DCDC1: variants seen among roughly 807,000 people sequenced by gnomAD.
DCDC1 encodes doublecortin domain containing 1, also known as doublecortin domain-containing protein 1.
In DCDC1, 200 loss-of-function variants were observed where a neutral mutation model predicts 178.3. The ratio of observed to expected loss-of-function variants is 1.12; its 90% confidence interval spans 1.00 to 1.26. The LOEUF (loss-of-function observed/expected upper bound fraction) is 1.26. Among genes scored for constraint, DCDC1 ranks in the 50% most tolerant of loss-of-function variants. The pLI, the probability that DCDC1 is intolerant of heterozygous loss-of-function variation, is 0.00. For synonymous variants in DCDC1, 690 were observed against 604.8 expected (o/e 1.14, Z -2.07); for missense variants, 1,983 against 1,749.2 (o/e 1.13, Z -2.38).
chr11:31,338,898 T>A (rs1375690140), intron 1 of DCDC1, among the ~76,000 whole-genome samples: 1 of 152,164 alleles, frequency 6.6e-6, no homozygotes, highest in Non-Finnish European at 1.5e-5. Flanking sequence ...TTCTTACCCG[T>A]CCTCAATGTA....
At chr11:31,171,575 G>A (rs768118381) in intron 9 of DCDC1, among the ~76,000 whole-genome samples, 1 of 152,144 alleles carries the variant, frequency 6.6e-6, no homozygotes, top group Admixed American at 6.5e-5. Flanking sequence ...AGTGGCAGAA[G>A]GAAAGAAAGC....
At chr11:31,208,685 A>G (rs1326448059) in intron 9 of DCDC1, among the ~76,000 whole-genome samples, 1 of 152,146 alleles carries the variant, frequency 6.6e-6, no homozygotes, top group East Asian at 1.9e-4. Context: ...ACCAGTCATC[A>G]TACTCCAGTC....
At chr11:31,029,170 C>T (rs988411884) in intron 20 of DCDC1, among the ~76,000 whole-genome samples, 2 of 152,136 alleles carry the variant, frequency 1.3e-5, no homozygotes, top group Non-Finnish European at 2.9e-5. Flanking sequence ...AAGATCAACA[C>T]AAATGATAAC....
rs546512267 is a variant in DCDC1 at position 31,291,097 on chromosome 11, G to A, written c.755-245C>T. 1.2e-4 allele frequency among the ~76,000 whole-genome samples: 19 copies of A among 152,108 alleles called. No homozygotes were observed. In the South Asian group the frequency reaches 3.9e-3, roughly 32 times the overall value. ...GAACAGATGTTCAGGGTATGAAAGAGTAATACCACAATTTAGTCCTAATTA... is the reference window on the plus strand; with the variant it reads ...GAACAGATGTTCAGGGTATGAAAGAATAATACCACAATTTAGTCCTAATTA... On this transcript the variant is annotated intron_variant, in intron 6 of 38. Coordinates refer to ENST00000684477, the MANE Select transcript of DCDC1 (RefSeq NM_001387274.1).
At chr11:31,239,867 A>C (rs1976907977) in intron 9 of DCDC1, among the ~76,000 whole-genome samples, 1 of 151,866 alleles carries the variant, frequency 6.6e-6, no homozygotes. Flanking sequence ...TTTTTCTTAC[A>C]ATGCACAGAG....
intron 9 of DCDC1, among the ~76,000 whole-genome samples, chr11:31,193,369 A>G (rs1222413667): frequency 1.3e-5 from 2 of 152,002 alleles, no homozygotes; most frequent in South Asian, 4.1e-4. Context: ...AATGCTCCTA[A>G]GTTTGAAATG....
intron 9 of DCDC1, among the ~76,000 whole-genome samples, chr11:31,153,841 T>A (rs1004196699): frequency 1.9e-4 from 25 of 132,724 alleles, no homozygotes; most frequent in Non-Finnish European, 3.2e-4. Context: ...CTATGCTGTA[T>A]CATTCACACA....
In DCDC1 at chr11:30,923,618, A is replaced by AT. The variant is rs1590379003; in HGVS notation, c.2998-981dup. 3.4e-5 allele frequency among the ~76,000 whole-genome samples: 5 copies of AT among 148,890 alleles called. No homozygotes were observed. The East Asian group carries it at 5.9e-4, about 18-fold the overall frequency. ...GGGGAAACTTTAAATAATAATAATA[A>AT]TAATTATTATTATTATTTGAGATGG... On this transcript the variant is annotated intron_variant, in intron 23 of 38. Coordinates refer to ENST00000684477, the MANE Select transcript of DCDC1 (RefSeq NM_001387274.1).
chr11:31,302,966 T>C (rs1948213107), intron 6 of DCDC1, among the ~76,000 whole-genome samples: 1 of 152,180 alleles, frequency 6.6e-6, no homozygotes, highest in Non-Finnish European at 1.5e-5. Context: ...ATAAGATCCA[T>C]TTGATTTATG....
At chr11:30,906,367 T>C in intron 30 of DCDC1, 173 bp downstream of exon 30, 1 of 668,188 alleles carries the variant, frequency 1.5e-6, no homozygotes, top group Non-Finnish European at 2.4e-6. Flanking sequence ...GACAATGCAT[T>C]TTAAATTACA....
Position 31,296,021 on chromosome 11 carries a change from T to G in DCDC1, c.755-5169A>C, listed in dbSNP as rs187164582. Among the ~76,000 whole-genome samples, 24 of 152,220 alleles carry G rather than the reference T, an allele frequency of 1.6e-4. No individual in the cohort carries two copies. In the East Asian group the frequency reaches 4.5e-3, roughly 28 times the overall value. The stretch of plus-strand genomic sequence containing the variant: ...AACTGAGTTTTCCTAAGACATCAAT[T>G]TTATCATTACCTAAAGAGAAAACTC... On this transcript the variant is annotated intron_variant, in intron 6 of 38. Transcript: ENST00000684477.
intron 7 of DCDC1, among the ~76,000 whole-genome samples, chr11:31,271,870 A>G (rs978000482): frequency 3.3e-5 from 5 of 151,978 alleles, no homozygotes; most frequent in African/African-American, 7.2e-5. Context: ...TTATAAAACG[A>G]TCAGACCTCA....
At chr11:31,018,355 T>C (rs290087) in intron 20 of DCDC1, among the ~76,000 whole-genome samples, 5,263 of 152,284 alleles carry the variant, frequency 0.035, 294 homozygotes, top group African/African-American at 0.12. Flanking sequence ...TTTTTAAGTT[T>C]GACATCGAGA....
intron 27 of DCDC1, among the ~76,000 whole-genome samples, chr11:30,914,632 CAAAAAAAAAAAA>C (rs11355322): frequency 9.9e-6 from 1 of 100,844 alleles, no homozygotes; most frequent in South Asian, 3.7e-4. Context: ...CATATGCACC[CAAAAAAAAAAAA>C]AAAAAAAAAG....
intron 7 of DCDC1, among the ~76,000 whole-genome samples, chr11:31,274,823 C>T (rs1004231625): frequency 6.6e-6 from 1 of 151,936 alleles, no homozygotes; most frequent in African/African-American, 2.4e-5. Context: ...GCCTCAGTCT[C>T]CCGAGTAGCT....
rs1221395351 is a variant in DCDC1 at position 31,280,758 on chromosome 11, G to A, written c.960+9889C>T. The A allele has an allele frequency of 6.7e-6, 4 of 596,946 alleles. No homozygotes were observed. In the Admixed American group the frequency reaches 7.5e-5, roughly 11 times the overall value. 37.0% of individuals were successfully genotyped at this position (596,946 alleles called of 1,614,324 possible). ...CCGGCAAAGATCATTTTTATTCTAG[G>A]GATGTACTTCTTGGGACTCTCCAAA... is the stretch of plus-strand genomic sequence containing the variant. On this transcript the variant is annotated intron_variant, in intron 7 of 38. Transcript: ENST00000684477.
intron 10 of DCDC1, among the ~76,000 whole-genome samples, chr11:31,128,731 G>A (rs996673486): frequency 1.3e-5 from 2 of 152,074 alleles, no homozygotes; most frequent in Admixed American, 6.6e-5. Flanking sequence ...GAATAACACT[G>A]GCTTTACATA....
chr11:30,900,254 CA>C, intron 33 of DCDC1, 91 bp downstream of exon 33: 1 of 1,139,756 alleles, frequency 8.8e-7, no homozygotes, highest in Non-Finnish European at 1.2e-6. Flanking sequence ...TGATATTATA[CA>C]CATTTAATTC....
intron 21 of DCDC1, among the ~76,000 whole-genome samples, chr11:30,941,773 A>C (rs966341928): frequency 6.6e-6 from 1 of 152,186 alleles, no homozygotes; most frequent in African/African-American, 2.4e-5. Context: ...AAAACTGTGA[A>C]GATTACTGAA....
Sources: gnomAD v4.1 joint callset for allele counts (sites outside exome capture counted in the v4.1 genomes callset) on GRCh38, gnomAD v4.1.1 for gene constraint, MANE v1.5 for transcripts, NCBI Gene and HGNC (gene_info 2026-07-23, HGNC 2026-07-21) for gene names.